Variants in DST observed in about 807,000 individuals in gnomAD.
DST encodes the protein dystonin, also known as bullous pemphigoid antigen.
Under a neutral mutation model 875.2 loss-of-function variants are expected in DST, and 253 were observed. The observed-to-expected ratio is 0.29, with a 90% CI of 0.26 to 0.32. DST has a LOEUF of 0.32. Ranked by LOEUF, DST falls within the 10% of genes least tolerant of loss-of-function variation. The pLI is 1.00. For missense variants in DST, 8,287 were observed against 9,111.6 expected (o/e 0.91, Z 3.68); for synonymous variants, 3,124 against 3,197.1 (o/e 0.98, Z 0.77).
At chr6:56,473,724 T>A in intron 93 of DST, 149 bp downstream of exon 93, 1 of 700,202 alleles carries the variant, frequency 1.4e-6, no homozygotes, top group Non-Finnish European at 2.3e-6. Flanking sequence ...CTACAATACT[T>A]GAGCACACGT....
At chr6:56,616,393 T>G (rs1424244793) in intron 36 of DST, 2 of 1,613,802 alleles carry the variant, frequency 1.2e-6, no homozygotes, top group Admixed American at 1.7e-5. Context: ...CAATCAGGTT[T>G]CTCTGGAAAG....
At chr6:56,650,875 A>T in intron 12 of DST, 51 bp downstream of exon 12, 1 of 1,130,740 alleles carries the variant, frequency 8.8e-7, no homozygotes, top group Non-Finnish European at 1.3e-6. Context: ...AATGCAGTCA[A>T]TTGGTCATTA....
intron 96 of DST, 52 bp downstream of exon 96, chr6:56,470,076 T>C: frequency 1.2e-6 from 2 of 1,606,416 alleles, no homozygotes; most frequent in Non-Finnish European, 1.7e-6. Context: ...GTGCATGATA[T>C]CGTGGCAGAA....
chr6:56,656,020 A>G (rs1035384517), intron 10 of DST, among the ~76,000 whole-genome samples: 4 of 152,256 alleles, frequency 2.6e-5, no homozygotes, highest in Admixed American at 2.6e-4. Context: ...AAAGAAAAAC[A>G]TGAGCTATGG....
At position 56,704,741 on chromosome 6, in the gene DST, A is replaced by C. The variant is rs528009073; in HGVS notation, c.688-372T>G. ...AAGAGGGTGGAGTTTTCACCCCCGCAGTTGATCTTCTACTTCTAGCCTAAA... is the reference window on the plus strand; with the variant it reads ...AAGAGGGTGGAGTTTTCACCCCCGCCGTTGATCTTCTACTTCTAGCCTAAA... On this transcript the variant is annotated intron_variant, in intron 5 of 103. Coordinates refer to ENST00000680361, the MANE Select transcript of DST (RefSeq NM_001374736.1). 1.8e-3 allele frequency among the ~76,000 whole-genome samples: 268 copies of C among 152,306 alleles called. 4 individuals are homozygous for C. The South Asian group carries it at 0.025, about 14-fold the overall frequency.
At chr6:56,632,164 T>G (rs1263256642) in intron 28 of DST, 124 bp from the exon 29 acceptor site, 1 of 669,198 alleles carries the variant, frequency 1.5e-6, no homozygotes, top group Admixed American at 2.8e-5. Flanking sequence ...ATTCCTGTTT[T>G]CATCACAAAC....
chr6:56,860,904 C>T (rs2127592402), intron 3 of DST, among the ~76,000 whole-genome samples: 1 of 152,230 alleles, frequency 6.6e-6, no homozygotes, highest in Non-Finnish European at 1.5e-5. Flanking sequence ...CTTTCCAATA[C>T]ATATCTTTCT....
intron 86 of DST, 118 bp downstream of exon 86, chr6:56,489,372 T>A (rs1374883350): frequency 9.9e-7 from 1 of 1,008,630 alleles, no homozygotes; most frequent in African/African-American, 1.6e-5. Flanking sequence ...TTAATACAGG[T>A]TCACACTGGA....
intron 9 of DST, 134 bp from the exon 10 acceptor site, chr6:56,670,941 G>C: frequency 1.9e-6 from 1 of 533,756 alleles, no homozygotes; most frequent in Non-Finnish European, 3.2e-6. Context: ...AGATTGTTAA[G>C]AGATTTGAAT....
At chr6:56,765,285 A>G (rs1422352952) in intron 4 of DST, among the ~76,000 whole-genome samples, 2 of 152,170 alleles carry the variant, frequency 1.3e-5, no homozygotes, top group Non-Finnish European at 2.9e-5. Flanking sequence ...CTTCTTTACT[A>G]GTTTCTGCAG....
At chr6:56,653,878 C>T (rs2098989747) in intron 10 of DST, among the ~76,000 whole-genome samples, 1 of 152,154 alleles carries the variant, frequency 6.6e-6, no homozygotes. Context: ...TCTTCATAGT[C>T]TCACTGGGAT....
intron 5 of DST, among the ~76,000 whole-genome samples, chr6:56,712,208 T>C (rs899060588): frequency 2.0e-5 from 3 of 152,232 alleles, no homozygotes; most frequent in African/African-American, 7.2e-5. Context: ...TTTTCAAATA[T>C]CCTCCTAGCT....
Position 56,846,024 on chromosome 6 carries a change from C to T in DST, c.625+5373G>A, listed in dbSNP as rs528306292. On this transcript the variant is annotated intron_variant, in intron 4 of 103. Transcript: ENST00000680361. ...CTGAATTCAGATCCTAGCTCTACTA[C>T]TTCTTGACACTACAACCTTGGCAAA... Among the ~76,000 whole-genome samples, 17 of 152,344 alleles carry T rather than the reference C, an allele frequency of 1.1e-4. No homozygotes were observed. The South Asian group carries it at 3.3e-3, about 30-fold the overall frequency.
intron 71 of DST, among the ~76,000 whole-genome samples, chr6:56,516,837 C>T (rs1013553770): frequency 6.6e-6 from 1 of 151,950 alleles, no homozygotes; most frequent in Non-Finnish European, 1.5e-5. Context: ...TTAAGAGGCC[C>T]AAATGTCTCT....
intron 5 of DST, among the ~76,000 whole-genome samples, chr6:56,713,677 G>A (rs1435938518): frequency 6.6e-6 from 1 of 152,146 alleles, no homozygotes; most frequent in Non-Finnish European, 1.5e-5. Flanking sequence ...TGCCATCATG[G>A]GCACTTCCCG....
intron 3 of DST, among the ~76,000 whole-genome samples, chr6:56,888,198 T>A (rs939194949): frequency 6.6e-6 from 1 of 152,118 alleles, no homozygotes; most frequent in Non-Finnish European, 1.5e-5. Flanking sequence ...TCCGCCCGCC[T>A]CAGCCTCCCA....
At chr6:56,538,088 T>C (rs1239890892) in intron 61 of DST, among the ~76,000 whole-genome samples, 1 of 152,046 alleles carries the variant, frequency 6.6e-6, no homozygotes, top group Non-Finnish European at 1.5e-5. Flanking sequence ...GCTCAAGCCA[T>C]CCTCCCACCT....
intron 36 of DST, chr6:56,617,466 T>C (rs2098639350): frequency 7.0e-7 from 1 of 1,431,146 alleles, no homozygotes; most frequent in South Asian, 1.1e-5. Context: ...AAGAACATTA[T>C]GTCACTTTAT....
chr6:56,879,057 C>A (rs959770209), intron 3 of DST, among the ~76,000 whole-genome samples: 1 of 152,148 alleles, frequency 6.6e-6, no homozygotes, highest in Non-Finnish European at 1.5e-5. Flanking sequence ...AATTTGATTT[C>A]TCTTTGCACT....
Sources: gnomAD v4.1 joint callset for allele counts (sites outside exome capture counted in the v4.1 genomes callset) on GRCh38, gnomAD v4.1.1 for gene constraint, MANE v1.5 for transcripts, NCBI Gene and HGNC (gene_info 2026-07-23, HGNC 2026-07-21) for gene names.